Variants in NDUFA5 observed in about 807,000 individuals in gnomAD.
The protein encoded by NDUFA5 is NADH:ubiquinone oxidoreductase subunit A5.
NDUFA5 carries 11 observed loss-of-function variants against 19.8 expected under a neutral mutation model. That is an observed-to-expected ratio of 0.56 (90% confidence interval 0.35 to 0.92). NDUFA5 has a LOEUF of 0.92. NDUFA5 is among the 40% of genes least tolerant of loss of function. The probability of loss-of-function intolerance (pLI) is 0.01; values close to 1 mark genes in which losing one functional copy is unlikely to be tolerated. For synonymous variants in NDUFA5, 47 were observed against 46.8 expected, an observed-to-expected ratio of 1.00 and a Z score of -0.01; for missense variants, 109 against 134.2, an observed-to-expected ratio of 0.81 and a Z score of 0.93.
chr7:123,591,737 C>A, the NDUFA5 span, among the ~76,000 whole-genome samples: 4 of 152,138 alleles, frequency 2.6e-5, no homozygotes, highest in South Asian at 8.3e-4. Flanking sequence ...CGATGTTCAT[C>A]AGGGATATTG....
At chr7:123,550,439 A>AAATC in intron 3 of NDUFA5, 31 bp downstream of exon 3, 3 of 1,296,532 alleles carry the variant, frequency 2.3e-6, no homozygotes, top group Non-Finnish European at 3.3e-6. Context: ...TAAATGTTAC[A>AAATC]CAAGACAACA....
the NDUFA5 span, among the ~76,000 whole-genome samples, chr7:123,573,395 A>T: frequency 4.7e-5 from 7 of 149,318 alleles, no homozygotes; most frequent in Admixed American, 3.4e-4. Context: ...TTGTCTGTGC[A>T]TTTTGCCTAG....
In NDUFA5 at chr7:123,550,558, A is replaced by G. The variant is rs766297513; in HGVS notation, c.95T>C (p.Leu32Pro). The part of the protein sequence containing the change: ...ERLRILYTKI[L>P]DVLEEIPKNA... The stretch of plus-strand genomic sequence containing the variant: ...TTTAGGGATTTCCTCAAGAACATCA[A>G]GAATCTTTGTGTACAATATTCTTAG... The change falls in exon 3 of 5, where the codon CTT becomes CCT. Residue 32 changes from leucine (L) to proline (P), a missense_variant. By Grantham distance (98) the Leu-to-Pro change is moderately conservative. Transcript: ENST00000355749. 9.3e-6 allele frequency: 15 copies of G among 1,608,672 alleles called. No individual in the cohort carries two copies. Among genetic ancestry groups the G allele is most frequent in the African/African-American group, 1.3e-5 (1 of 74,920 alleles).
the NDUFA5 span, among the ~76,000 whole-genome samples, chr7:123,587,735 T>C: frequency 6.6e-6 from 1 of 151,816 alleles, no homozygotes; most frequent in African/African-American, 2.4e-5. Flanking sequence ...GCTGAGAGTT[T>C]TTAATATCAA....
At chr7:123,547,563 A>C (rs1798182047) in intron 3 of NDUFA5, among the ~76,000 whole-genome samples, 1 of 152,184 alleles carries the variant, frequency 6.6e-6, no homozygotes, top group African/African-American at 2.4e-5. Flanking sequence ...AAACAGCTGA[A>C]AGGGGGAGAA....
At chr7:123,572,461 G>T in the NDUFA5 span, among the ~76,000 whole-genome samples, 1 of 151,590 alleles carries the variant, frequency 6.6e-6, no homozygotes, top group Non-Finnish European at 1.5e-5. Context: ...ATGTAGCCTG[G>T]ATACTATTTC....
chr7:123,562,798 C>CTTTT (rs35492926), upstream of NDUFA5, among the ~76,000 whole-genome samples: 7 of 136,024 alleles, frequency 5.1e-5, no homozygotes, highest in East Asian at 2.1e-4. Flanking sequence ...TTCTTTCTTT[C>CTTTT]TTTTTTTTTT....
At chr7:123,589,155 C>T in the NDUFA5 span, among the ~76,000 whole-genome samples, 1 of 151,724 alleles carries the variant, frequency 6.6e-6, no homozygotes, top group Non-Finnish European at 1.5e-5. Flanking sequence ...AAGTCCCCTA[C>T]TATTATTGTC....
chr7:123,558,093 A>C, upstream of NDUFA5: 1 of 522,076 alleles, frequency 1.9e-6, no homozygotes, highest in Non-Finnish European at 3.5e-6. Context: ...TGAGGGAAAC[A>C]CTCCCAACTA....
At chr7:123,580,760 G>A in the NDUFA5 span, among the ~76,000 whole-genome samples, 2 of 151,854 alleles carry the variant, frequency 1.3e-5, no homozygotes, top group African/African-American at 2.4e-5. Flanking sequence ...CTGCACAACC[G>A]TACCTGGAAG....
upstream of NDUFA5, among the ~76,000 whole-genome samples, chr7:123,561,609 AT>A (rs34769894): frequency 0.46 from 68,806 of 150,858 alleles, 15,896 homozygotes; most frequent in African/African-American, 0.53. Flanking sequence ...TGAATCACCA[AT>A]TTTTTTTTTG....
chr7:123,556,944 A>G (rs749396126), intron 2 of NDUFA5: 23 of 472,066 alleles, frequency 4.9e-5, no homozygotes, highest in Non-Finnish European at 9.5e-5. Context: ...AGAAGGGACA[A>G]GAAGAATAAA....
At chr7:123,566,567 A>G in the NDUFA5 span, among the ~76,000 whole-genome samples, 1 of 152,212 alleles carries the variant, frequency 6.6e-6, no homozygotes, top group Non-Finnish European at 1.5e-5. Context: ...AATTACCATC[A>G]TAATTTTTAA....
At chr7:123,555,775 C>G (rs1798514982) in intron 2 of NDUFA5, 1 of 152,128 alleles carries the variant, frequency 6.6e-6, no homozygotes, top group Admixed American at 6.5e-5. Context: ...AGAGACATAA[C>G]AAAATAAATC....
At chr7:123,558,690 T>C (rs955917704), upstream of NDUFA5, among the ~76,000 whole-genome samples, 4 of 152,166 alleles carry the variant, frequency 2.6e-5, no homozygotes, top group African/African-American at 9.7e-5. Flanking sequence ...CCAGGTGATT[T>C]TATGTGATTG....
At chr7:123,550,378 G>A (rs1222709428) in intron 3 of NDUFA5, 92 bp downstream of exon 3, 2 of 746,434 alleles carry the variant, frequency 2.7e-6, no homozygotes, top group Non-Finnish European at 4.7e-6. Flanking sequence ...AAGGAGAATA[G>A]AAGAAAAGTG....
the NDUFA5 span, among the ~76,000 whole-genome samples, chr7:123,572,198 GTGACGCGATCTTGCCTCACTGCAACCTC>G: frequency 8.4e-6 from 1 of 118,740 alleles, no homozygotes; most frequent in Non-Finnish European, 1.6e-5. Context: ...CTGGAGTGCA[GTGACGCGATCTTGCCTCACTGCAACCTC>G]TGCCTCCTGG....
chr7:123,547,777 G>C (rs1336539254), intron 3 of NDUFA5, among the ~76,000 whole-genome samples: 3 of 152,082 alleles, frequency 2.0e-5, no homozygotes, highest in African/African-American at 7.2e-5. Context: ...TTCAAAATTT[G>C]TCTTACCGAT....
At chr7:123,577,536 C>T in the NDUFA5 span, among the ~76,000 whole-genome samples, 1 of 152,064 alleles carries the variant, frequency 6.6e-6, no homozygotes, top group East Asian at 1.9e-4. Context: ...TTTGTCATAC[C>T]TTATTTAACA....
Sources: allele counts gnomAD v4.1 joint callset (sites outside exome capture counted in the v4.1 genomes callset), GRCh38; gene constraint gnomAD v4.1.1; transcripts MANE v1.5; gene names NCBI Gene and HGNC (gene_info 2026-07-23, HGNC 2026-07-21).